RUNX3: variants seen among roughly 807,000 people sequenced by gnomAD.
RUNX3 encodes runt-related transcription factor 3.
A neutral mutation model predicts 27.7 loss-of-function variants in RUNX3; 10 were observed. The ratio of observed to expected loss-of-function variants is 0.36; its 90% confidence interval spans 0.22 to 0.61. The LOEUF is 0.61. Among genes scored for constraint, RUNX3 ranks in the 20% least tolerant of loss-of-function variants. The probability of loss-of-function intolerance (pLI) is 0.72; values close to 1 mark genes in which losing one functional copy is unlikely to be tolerated. For synonymous variants in RUNX3, 270 were observed against 269.2 expected, an observed-to-expected ratio of 1.00 and a Z score of -0.03; for missense variants, 469 against 629.5, an observed-to-expected ratio of 0.75 and a Z score of 2.73.
chr1:24,928,957 T>G, intron 1 of RUNX3: 1 of 427,416 alleles, frequency 2.3e-6, no homozygotes, highest in Non-Finnish European at 4.6e-6. Context: ...AATGAAACAG[T>G]CGCCTACTCC....
chr1:24,902,906 C>G lies in RUNX3; in HGVS notation c.704-240G>C, dbSNP rs569825548. Among the ~76,000 whole-genome samples the G allele has an allele frequency of 7.9e-5, 12 of 152,196 alleles. No individual in the cohort carries two copies. Among genetic ancestry groups the G allele is most frequent in the African/African-American group, 2.2e-4 (9 of 41,462 alleles). Reference sequence around the variant, plus strand: ...CCAAGAGGGGCCATGGGAGCCCCCCCACAGCAGCAACAGAACAGAGGAGGG... The same window carrying G: ...CCAAGAGGGGCCATGGGAGCCCCCCGACAGCAGCAACAGAACAGAGGAGGG... On this transcript the variant is annotated intron_variant, in intron 4 of 4. Coordinates refer to ENST00000308873, the MANE Select transcript of RUNX3 (RefSeq NM_004350.3). The surrounding 1 kb of genome is among the most constrained non-coding windows in gnomAD (Gnocchi z 9.2).
At chr1:24,958,119 G>T (rs558889328) in intron 2 of RUNX3, among the ~76,000 whole-genome samples, 1 of 152,264 alleles carries the variant, frequency 6.6e-6, no homozygotes, top group East Asian at 1.9e-4. Context: ...TCAGGAGGCC[G>T]GCCTGTGCCA....
chr1:24,923,429 CTG>C lies in RUNX3; in HGVS notation c.440-4087_440-4086del, dbSNP rs1371659265. Among the ~76,000 whole-genome samples, 1 of 152,162 alleles carries C rather than the reference CTG, an allele frequency of 6.6e-6. No homozygotes were observed. The highest frequency in any genetic ancestry group is 2.4e-5 in the African/African-American group (1 of 41,402). The stretch of plus-strand genomic sequence containing the variant: ...TCTCTCTCAGCCTCTAGATATAACT[CTG>C]TGCAGGAGTCCCAGGCAAACCTGCA... On this transcript the variant is annotated intron_variant, in intron 2 of 4. Transcript: ENST00000308873. This position sits in a 1 kb window ranked among gnomAD's most constrained non-coding sequence, Gnocchi z 5.9.
At chr1:24,909,375 A>C (rs575188157) in intron 3 of RUNX3, among the ~76,000 whole-genome samples, 1 of 152,218 alleles carries the variant, frequency 6.6e-6, no homozygotes, top group East Asian at 1.9e-4. Context: ...GGAAAACGCA[A>C]AGTAGGCTTC....
chr1:24,956,013 C>T (rs1641913299), intron 2 of RUNX3, among the ~76,000 whole-genome samples: 1 of 152,280 alleles, frequency 6.6e-6, no homozygotes, highest in Non-Finnish European at 1.5e-5. Flanking sequence ...ATTGGGACCA[C>T]ACCTCAGGTC....
chr1:24,948,936 C>T (rs1641684730), intron 2 of RUNX3, among the ~76,000 whole-genome samples: 1 of 151,962 alleles, frequency 6.6e-6, no homozygotes, highest in Admixed American at 6.6e-5. Flanking sequence ...TAATCGAACC[C>T]ACCTCCCTGC....
In RUNX3 at chr1:24,935,584, C is replaced by T. The variant is rs140717518; in HGVS notation, c.59-5732G>A. Among the ~76,000 whole-genome samples, 286 of 152,316 alleles carry T rather than the reference C, an allele frequency of 1.9e-3. 1 individual carries two copies. Among genetic ancestry groups the T allele is most frequent in the Middle Eastern group, 6.8e-3 (2 of 294 alleles). On this transcript the variant is annotated intron_variant, in intron 2 of 6. Transcript: ENST00000338888. ...CGCAGAGCAGAAAAACCGTCTCCAT[C>T]GGTTACCAGGGAAGGGGTTTCTGGT...
intron 2 of RUNX3, among the ~76,000 whole-genome samples, chr1:24,952,266 T>C (rs1641785779): frequency 6.6e-6 from 1 of 152,062 alleles, no homozygotes; most frequent in South Asian, 2.1e-4. Flanking sequence ...CCAATAGCTC[T>C]CTCTAGAGCA....
rs767815078 is a variant in RUNX3 at position 24,902,581 on chromosome 1, G to A, written c.789C>T (p.Phe263=). 20 of 1,566,320 alleles carry A rather than the reference G, an allele frequency of 1.3e-5. No individual in the cohort carries two copies. Among genetic ancestry groups the A allele is most frequent in the Non-Finnish European group, 1.6e-5 (18 of 1,150,590 alleles). ...PTLPTLTESR[F]PDPRMHYPGA... ...CGGGATAATGCATCCTGGGGTCTGG[G>A]AAGCGGCTCTCCGTGAGGGTTGGCA... Residue 263 remains phenylalanine, a synonymous_variant, in exon 5 of 5, where the codon TTC becomes TTT. Transcript: ENST00000308873. The surrounding 1 kb of genome is among the most constrained non-coding windows in gnomAD (Gnocchi z 9.2).
chr1:24,918,842 A>C (rs1424394403), intron 3 of RUNX3, among the ~76,000 whole-genome samples: 1 of 152,168 alleles, frequency 6.6e-6, no homozygotes, highest in Non-Finnish European at 1.5e-5. Context: ...CCAGCCCCTG[A>C]CTTTTGATCA....
At chr1:24,953,375 AAAAAG>A (rs747383127) in intron 2 of RUNX3, among the ~76,000 whole-genome samples, 10,496 of 135,266 alleles carry the variant, frequency 0.078, 581 homozygotes, top group South Asian at 0.14. Context: ...AAAAAAAAAA[AAAAAG>A]AAAAGAAAAG....
intron 2 of RUNX3, among the ~76,000 whole-genome samples, chr1:24,950,046 G>A (rs61774734): frequency 0.14 from 20,978 of 152,242 alleles, 1,674 homozygotes; most frequent in South Asian, 0.23. Context: ...GAGCTCCCCC[G>A]ATGCCTGCAC....
chr1:24,953,362 T>C (rs535251142), intron 2 of RUNX3, among the ~76,000 whole-genome samples: 674 of 26,320 alleles, frequency 0.026, 13 homozygotes, highest in African/African-American at 0.11. Context: ...AGACTCCGTC[T>C]GAAAAAAAAA....
At position 24,900,038 on chromosome 1, in the gene RUNX3, A is replaced by G. The variant is rs1315598066; in HGVS notation, c.*2084T>C. The G allele has an allele frequency of 6.6e-6, 1 of 152,338 alleles. No homozygotes were observed. Among genetic ancestry groups the G allele is most frequent in the East Asian group, 1.9e-4 (1 of 5,288 alleles). 9.4% of individuals were successfully genotyped at this position (152,338 alleles called of 1,614,324 possible). A position where few individuals can be genotyped will look rare whatever the true frequency, so the allele number is the denominator to read the frequency against. On this transcript the variant is annotated 3_prime_UTR_variant, in exon 5 of 5. Coordinates refer to ENST00000308873, the MANE Select transcript of RUNX3 (RefSeq NM_004350.3). ...AGGGTTAGTAATCTGGGATGAGACT[A>G]CAAAGTGCTGGGCACTGGGAACCCA...
At chr1:24,953,018 A>T (rs1031626110) in intron 2 of RUNX3, among the ~76,000 whole-genome samples, 1 of 152,142 alleles carries the variant, frequency 6.6e-6, no homozygotes, top group Non-Finnish European at 1.5e-5. Context: ...TCTTTTGATT[A>T]CTAAAGCAGT....
chr1:24,935,039 A>T (rs531980406), upstream of RUNX3, among the ~76,000 whole-genome samples: 132 of 152,290 alleles, frequency 8.7e-4, no homozygotes, highest in African/African-American at 3.0e-3. Context: ...AGTAGTCCCC[A>T]GTTTACAGAT....
rs376152533 is a variant in RUNX3, at chr1:24,936,131, C to T, written c.59-6279G>A. On this transcript the variant is annotated intron_variant, in intron 2 of 6. Transcript: ENST00000338888. ...GGGCAGCTTGGAGCCAAGGGGGCTT[C>T]TGGGAAACATGTGCCCTTCCCCCAG... Among the ~76,000 whole-genome samples the T allele has an allele frequency of 2.4e-4, 37 of 152,338 alleles. No individual in the cohort carries two copies. In the East Asian group the frequency reaches 6.7e-3, roughly 28 times the overall value.
In RUNX3 at chr1:24,904,321, G is replaced by C. The variant is rs528285549; in HGVS notation, c.704-1655C>G. Among the ~76,000 whole-genome samples the C allele has an allele frequency of 1.3e-5, 2 of 152,210 alleles. No homozygotes were observed. Among genetic ancestry groups the C allele is most frequent in the Non-Finnish European group, 2.9e-5 (2 of 68,032 alleles). On this transcript the variant is annotated intron_variant, in intron 4 of 4. Transcript: ENST00000308873. The surrounding 1 kb of genome is among the most constrained non-coding windows in gnomAD (Gnocchi z 5.7). ...TTTGGGGTCTTCCCAAGTCAGCTGG[G>C]GTATGTTTCCCTCAGCAGCGTACTC...
chr1:24,907,442 G>A, intron 3 of RUNX3, 25 bp from the exon 4 acceptor site: 1 of 1,598,250 alleles, frequency 6.3e-7, no homozygotes, highest in Non-Finnish European at 8.5e-7. Context: ...AAGCCCATCA[G>A]CCGTTGCTTC....
Sources: allele counts gnomAD v4.1 joint callset (sites outside exome capture counted in the v4.1 genomes callset), GRCh38; gene constraint gnomAD v4.1.1; non-coding constraint Gnocchi (gnomAD v3.1); transcripts MANE v1.5; gene names NCBI Gene and HGNC (gene_info 2026-07-23, HGNC 2026-07-21).